Variants in ZFHX3 observed in about 807,000 individuals in gnomAD.
ZFHX3 encodes zinc finger homeobox 3.
A neutral mutation model predicts 279.1 loss-of-function variants in ZFHX3; 42 were observed. The ratio of observed to expected loss-of-function variants is 0.15; its 90% confidence interval spans 0.12 to 0.19. The LOEUF is 0.19. ZFHX3 is among the 10% of genes least tolerant of loss of function. ZFHX3 has a pLI of 1.00. For synonymous variants in ZFHX3, 2,293 were observed against 1,957.8 expected, an observed-to-expected ratio of 1.17 and a Z score of -4.52; for missense variants, 4,981 against 4,754.0, an observed-to-expected ratio of 1.05 and a Z score of -1.40.
intron 3 of ZFHX3, among the ~76,000 whole-genome samples, chr16:73,351,019 C>T (rs1036035841): frequency 3.9e-5 from 6 of 152,192 alleles, no homozygotes; most frequent in Non-Finnish European, 5.9e-5. Context: ...TGACCTTCCC[C>T]GCATAAGAAA....
At chr16:73,866,321 G>T (rs1962020584) in intron 1 of ZFHX3, among the ~76,000 whole-genome samples, 1 of 151,582 alleles carries the variant, frequency 6.6e-6, no homozygotes, top group Non-Finnish European at 1.5e-5. Context: ...TGGGATTACA[G>T]GTGCACGCCA....
rs575023308 is a variant in ZFHX3, at chr16:73,374,680, T to C, written c.-1290-56344A>G. Reference sequence around the variant, plus strand: ...ACATTGCAATGGTCGATAGGTCTTTTTAAGTCTCTTTAATCAATGTGGTGA... The same window carrying C: ...ACATTGCAATGGTCGATAGGTCTTTCTAAGTCTCTTTAATCAATGTGGTGA... On this transcript the variant is annotated intron_variant, in intron 3 of 17. Transcript: ENST00000641206. 2.9e-4 allele frequency among the ~76,000 whole-genome samples: 44 copies of C among 152,360 alleles called. 1 individual carries two copies. Among genetic ancestry groups the C allele is most frequent in the African/African-American group, 1.0e-3 (43 of 41,588 alleles).
At chr16:73,580,753 AG>A (rs2051853236) in intron 2 of ZFHX3, among the ~76,000 whole-genome samples, 1 of 151,778 alleles carries the variant, frequency 6.6e-6, no homozygotes, top group Non-Finnish European at 1.5e-5. Flanking sequence ...TTTTATTTGA[AG>A]GTCACTGGGC....
Position 73,138,856 on chromosome 16 carries a change from T to C in ZFHX3, c.-1024+4896A>G, listed in dbSNP as rs985437098. Among the ~76,000 whole-genome samples the C allele has an allele frequency of 2.6e-5, 4 of 152,062 alleles. No individual in the cohort carries two copies. In the East Asian group the frequency reaches 7.7e-4, roughly 29 times the overall value. On this transcript the variant is annotated intron_variant, in intron 6 of 17. Coordinates refer to the ZFHX3 transcript ENST00000641206. ...GCACGCACCACTATGCCTGGCTTATTTTTGAAAACTCTTTAGTAGAGACAG... is the reference window on the plus strand; with the variant it reads ...GCACGCACCACTATGCCTGGCTTATCTTTGAAAACTCTTTAGTAGAGACAG...
chr16:72,887,721 T>C (rs1425958003), intron 4 of ZFHX3, among the ~76,000 whole-genome samples: 3 of 149,080 alleles, frequency 2.0e-5, no homozygotes, highest in African/African-American at 2.5e-5. Context: ...TGCACGCAGA[T>C]GGGGCGTGTG....
rs561565487 is a variant in ZFHX3, at chr16:73,216,970, A to G, written c.-1104+40077T>C. On this transcript the variant is annotated intron_variant, in intron 5 of 17. Coordinates refer to the ZFHX3 transcript ENST00000641206. ...TGTTCCGAAAGCATGGCCGTGGTCC[A>G]CTTAAGTTCTCCCTTAGGATTTCAG... Among the ~76,000 whole-genome samples the G allele has an allele frequency of 3.2e-4, 49 of 152,282 alleles. No homozygotes were observed. In the Middle Eastern group the frequency reaches 0.01, roughly 32 times the overall value.
At chr16:73,608,876 GCCCAATGAACATACATA>G (rs986001222) in intron 2 of ZFHX3, 1 of 152,110 alleles carries the variant, frequency 6.6e-6, no homozygotes, top group African/African-American at 2.4e-5. Flanking sequence ...CATGAAAATT[GCCCAATGAACATACATA>G]CCACTGAGTT....
At chr16:73,778,807 A>G (rs1021527824) in intron 1 of ZFHX3, among the ~76,000 whole-genome samples, 5 of 152,230 alleles carry the variant, frequency 3.3e-5, no homozygotes, top group Non-Finnish European at 7.3e-5. Context: ...AATCATATCA[A>G]TCCAAAAACA....
At chr16:73,389,492 G>A (rs1348191053) in intron 3 of ZFHX3, among the ~76,000 whole-genome samples, 3 of 152,170 alleles carry the variant, frequency 2.0e-5, no homozygotes, top group Admixed American at 2.0e-4. Flanking sequence ...TTAGAGTCAT[G>A]GAGCCATGTA....
rs537864175 is a variant in ZFHX3 at position 73,695,170 on chromosome 16, CA to C, written c.-1607-14931del. Among the ~76,000 whole-genome samples the C allele has an allele frequency of 2.6e-3, 394 of 152,014 alleles. 2 individuals are homozygous for C. Among genetic ancestry groups the C allele is most frequent in the Non-Finnish European group, 4.3e-3 (294 of 67,970 alleles). On this transcript the variant is annotated intron_variant, in intron 1 of 17. Coordinates refer to the ZFHX3 transcript ENST00000641206. ...AATATTTTTCAAGAGCCCTTTTAGCCAAATATATCTATACTATTTTTTTCTT... is the reference window on the plus strand; with the variant it reads ...AATATTTTTCAAGAGCCCTTTTAGCCAATATATCTATACTATTTTTTTCTT...
At chr16:72,858,947 T>A (rs1171537044) in intron 4 of ZFHX3, among the ~76,000 whole-genome samples, 1 of 152,128 alleles carries the variant, frequency 6.6e-6, no homozygotes, top group Admixed American at 6.5e-5. Context: ...CAGCTCAACT[T>A]CGCTTTCTGT....
At chr16:73,322,615 C>A (rs4011585) in intron 3 of ZFHX3, among the ~76,000 whole-genome samples, 61,419 of 151,986 alleles carry the variant, frequency 0.4, 14,172 homozygotes, top group Non-Finnish European at 0.53. Context: ...TTGTAGGGAG[C>A]ACAGCAAACA....
chr16:73,434,124 T>C (rs1286462313), intron 3 of ZFHX3, among the ~76,000 whole-genome samples: 1 of 152,190 alleles, frequency 6.6e-6, no homozygotes, highest in Admixed American at 6.5e-5. Context: ...ACACTGTAAT[T>C]CAGAATACGG....
intron 1 of ZFHX3, among the ~76,000 whole-genome samples, chr16:73,744,432 T>A (rs2053686222): frequency 6.6e-6 from 1 of 152,188 alleles, no homozygotes; most frequent in Non-Finnish European, 1.5e-5. Context: ...GAGCTTTCAA[T>A]TATCTATTTC....
At chr16:72,876,962 A>G (rs2038331249) in intron 4 of ZFHX3, among the ~76,000 whole-genome samples, 1 of 152,188 alleles carries the variant, frequency 6.6e-6, no homozygotes, top group Non-Finnish European at 1.5e-5. Context: ...GGTGATTCCA[A>G]AATAGTTATT....
chr16:73,078,219 G>C (rs1161195122), intron 8 of ZFHX3, among the ~76,000 whole-genome samples: 1 of 152,130 alleles, frequency 6.6e-6, no homozygotes, highest in Non-Finnish European at 1.5e-5. Context: ...AATTACAGTG[G>C]CCACAGGATC....
intron 7 of ZFHX3, among the ~76,000 whole-genome samples, chr16:73,110,509 CA>C (rs913815354): frequency 2.6e-5 from 4 of 152,020 alleles, no homozygotes; most frequent in Non-Finnish European, 2.9e-5. Flanking sequence ...AGAAAAATTA[CA>C]AAAAACACTC....
chr16:73,094,860 C>T (rs1811088913), intron 7 of ZFHX3, among the ~76,000 whole-genome samples: 2 of 152,064 alleles, frequency 1.3e-5, no homozygotes, highest in South Asian at 4.2e-4. Context: ...CAGATGTACA[C>T]CGTCATGTCC....
chr16:73,814,270 G>A (rs966064018), intron 1 of ZFHX3, among the ~76,000 whole-genome samples: 1 of 152,104 alleles, frequency 6.6e-6, no homozygotes, highest in Non-Finnish European at 1.5e-5. Context: ...ATGGTAGCCA[G>A]ACAGATTCTC....
Sources: gnomAD v4.1 joint callset for allele counts (sites outside exome capture counted in the v4.1 genomes callset) on GRCh38, gnomAD v4.1.1 for gene constraint, MANE v1.5 for transcripts, NCBI Gene and HGNC (gene_info 2026-07-23, HGNC 2026-07-21) for gene names.